The following IL1RAPL2 variants were observed in gnomAD, a reference collection of about 807,000 sequenced individuals.
IL1RAPL2 encodes interleukin 1 receptor accessory protein like 2.
Under a neutral mutation model 44.1 loss-of-function variants are expected in IL1RAPL2, and 3 were observed. The observed-to-expected ratio is 0.07, with a 90% confidence interval of 0.03 to 0.18. The LOEUF is 0.18. IL1RAPL2 is among the 10% of genes least tolerant of loss of function. IL1RAPL2 has a pLI of 1.00. For missense variants in IL1RAPL2, 391 were observed against 496.4 expected (o/e 0.79, Z 2.02); for synonymous variants, 181 against 178.8 (o/e 1.01, Z -0.10).
chrX:104,755,510 C>T (rs2147586069), intron 2 of IL1RAPL2, among the ~76,000 whole-genome samples: 1 of 110,431 alleles, frequency 9.1e-6, no homozygotes, highest in Non-Finnish European at 1.9e-5. Context: ...ACATGTACCC[C>T]TGAACCTAAA....
chrX:104,758,854 G>A lies in IL1RAPL2; in HGVS notation c.82+99859G>A, dbSNP rs529771575. On this transcript the variant is annotated intron_variant, in intron 2 of 10. Coordinates refer to ENST00000372582, the MANE Select transcript of IL1RAPL2 (RefSeq NM_017416.2). ...GCCGTGACCCAATTCCAAATGTTTT[G>A]TTGCACAAATGAGCTATGTTACTCC... Among the ~76,000 whole-genome samples, 16 of 111,233 alleles carry A rather than the reference G, an allele frequency of 1.4e-4. 1 individual carries two copies. In the South Asian group the frequency reaches 6.0e-3, roughly 42 times the overall value.
rs776128588 is a variant in IL1RAPL2, at chrX:105,060,556, C to A, written c.83-134919C>A. 3.3e-5 allele frequency among the ~76,000 whole-genome samples: 3 copies of A among 89,916 alleles called. No homozygotes were observed. The East Asian group carries it at 1.0e-3, about 31-fold the overall frequency. 78.1% of individuals were successfully genotyped at this position (89,916 alleles called of 115,157 possible). A position where few individuals can be genotyped will look rare whatever the true frequency, so the allele number is the denominator to read the frequency against. ...TGTTTATTAGGGATATTGGCCTGTA[C>A]TTTTCTTTTTTCTATTCTTTTTCTT... On this transcript the variant is annotated intron_variant, in intron 2 of 10. Coordinates refer to ENST00000372582, the MANE Select transcript of IL1RAPL2 (RefSeq NM_017416.2).
chrX:105,077,033 G>A (rs1771376343), intron 2 of IL1RAPL2, among the ~76,000 whole-genome samples: 1 of 110,782 alleles, frequency 9.0e-6, no homozygotes, highest in Non-Finnish European at 1.9e-5. Flanking sequence ...GGAGCATTTA[G>A]CCCATTTACA....
chrX:105,270,183 C>G (rs1330603391), intron 5 of IL1RAPL2, among the ~76,000 whole-genome samples: 1 of 111,350 alleles, frequency 9.0e-6, no homozygotes, highest in Non-Finnish European at 1.9e-5. Flanking sequence ...CCAGGTGATT[C>G]TGTTTTATGC....
At chrX:104,644,964 T>C (rs913686972) in intron 1 of IL1RAPL2, among the ~76,000 whole-genome samples, 3 of 111,769 alleles carry the variant, frequency 2.7e-5, no homozygotes, top group Non-Finnish European at 5.6e-5. Context: ...TGGCTAAATA[T>C]AAAGGACACT....
chrX:105,263,741 A>G (rs1036809818), intron 4 of IL1RAPL2, among the ~76,000 whole-genome samples: 1 of 111,374 alleles, frequency 9.0e-6, no homozygotes, highest in African/African-American at 3.3e-5. Context: ...ATGTCCTGCA[A>G]CAAACTACTC....
chrX:104,900,537 T>C (rs904571229), intron 2 of IL1RAPL2, among the ~76,000 whole-genome samples: 1 of 111,329 alleles, frequency 9.0e-6, no homozygotes, highest in Non-Finnish European at 1.9e-5. Context: ...AATTATTTAT[T>C]TTCATCTGTA....
At chrX:104,787,592 G>A (rs1336163392) in intron 2 of IL1RAPL2, among the ~76,000 whole-genome samples, 2 of 111,384 alleles carry the variant, frequency 1.8e-5, no homozygotes, top group Non-Finnish European at 3.8e-5. Flanking sequence ...TTACATTTCA[G>A]ATTTAAAAGA....
chrX:105,529,630 G>A (rs1382867711), intron 6 of IL1RAPL2, among the ~76,000 whole-genome samples: 1 of 111,448 alleles, frequency 9.0e-6, no homozygotes, highest in Non-Finnish European at 1.9e-5. Flanking sequence ...CAATTCAGTG[G>A]CATTAAAAAC....
At chrX:105,098,115 A>G (rs2032628428) in intron 2 of IL1RAPL2, among the ~76,000 whole-genome samples, 1 of 112,278 alleles carries the variant, frequency 8.9e-6, no homozygotes, top group African/African-American at 3.2e-5. Context: ...ATAGTAGAAG[A>G]AGTGTCTATG....
intron 2 of IL1RAPL2, among the ~76,000 whole-genome samples, chrX:105,136,196 TGAAAG>T (rs995302011): frequency 1.2e-4 from 13 of 112,218 alleles, no homozygotes; most frequent in African/African-American, 3.9e-4. Flanking sequence ...TTTTTTTTAT[TGAAAG>T]GAAATTTCAT....
chrX:105,528,200 G>A (rs1044485223), intron 6 of IL1RAPL2, among the ~76,000 whole-genome samples: 2 of 111,933 alleles, frequency 1.8e-5, no homozygotes, highest in African/African-American at 6.5e-5. Flanking sequence ...AATTTGAATA[G>A]CACTTTTCCC....
chrX:105,701,715 TA>T (rs1209907548), intron 6 of IL1RAPL2, among the ~76,000 whole-genome samples: 3 of 112,170 alleles, frequency 2.7e-5, no homozygotes, highest in Admixed American at 1.9e-4. Context: ...TTGATCATTT[TA>T]AGAGCATCTT....
intron 2 of IL1RAPL2, among the ~76,000 whole-genome samples, chrX:105,108,643 G>A (rs1238149633): frequency 1.3e-5 from 1 of 76,142 alleles, no homozygotes; most frequent in African/African-American, 3.5e-5. Flanking sequence ...AACCAGCCAA[G>A]TTCTGTCATT....
intron 2 of IL1RAPL2, among the ~76,000 whole-genome samples, chrX:104,825,380 C>T (rs930246607): frequency 3.6e-5 from 4 of 112,015 alleles, no homozygotes; most frequent in African/African-American, 1.3e-4. Context: ...TTTTGGATTC[C>T]AGTAGTTGAG....
intron 4 of IL1RAPL2, among the ~76,000 whole-genome samples, chrX:105,245,389 G>A (rs1037361423): frequency 2.5e-4 from 28 of 111,412 alleles, no homozygotes; most frequent in African/African-American, 8.8e-4. Context: ...TGAATCAGGT[G>A]GTACTGGAGG....
chrX:105,330,260 A>G (rs1381878884), intron 5 of IL1RAPL2, among the ~76,000 whole-genome samples: 5 of 111,355 alleles, frequency 4.5e-5, no homozygotes, highest in African/African-American at 1.6e-4. Flanking sequence ...AGCCAGGTCA[A>G]CCCACGACAT....
intron 5 of IL1RAPL2, among the ~76,000 whole-genome samples, chrX:105,476,489 G>C (rs2036198175): frequency 1.8e-5 from 2 of 111,509 alleles, no homozygotes; most frequent in Non-Finnish European, 3.8e-5. Flanking sequence ...ATAATTCTGG[G>C]GATCACTGGT....
At position 105,767,252 on chromosome X, in the gene IL1RAPL2, A is replaced by G. The variant is rs769958999; in HGVS notation, c.1652A>G (p.His551Arg). ...AAATTAAATTCTAAGTTTTGGAAGC[A>G]CTTAGTATATGAAATGCCCATCAAG... Reference protein sequence around the residue: ...SSKLNSKFWKHLVYEMPIKKK... With the variant: ...SSKLNSKFWKRLVYEMPIKKK... Residue 551 changes from histidine (H) to arginine (R), a missense_variant, in exon 11 of 11, where the codon CAC (histidine) becomes CGC (arginine). Around this residue, in one of 2 missense-constraint regions of IL1RAPL2, gnomAD observed 232 missense variants for 244.8 expected, o/e 0.95. Transcript: ENST00000372582. 4.1e-6 allele frequency: 5 copies of G among 1,211,987 alleles called. No homozygotes were observed. The South Asian group carries it at 8.8e-5, about 21-fold the overall frequency.
Sources: gnomAD v4.1 joint callset for allele counts (sites outside exome capture counted in the v4.1 genomes callset) on GRCh38, gnomAD v4.1.1 for gene constraint, gnomAD v4.1.1 regional missense constraint, MANE v1.5 for transcripts, NCBI Gene and HGNC (gene_info 2026-07-23, HGNC 2026-07-21) for gene names.